The following NKAIN2 variants were observed in gnomAD, a reference collection of about 807,000 sequenced individuals.
NKAIN2 encodes sodium/potassium-transporting ATPase subunit beta-1-interacting protein 2.
A neutral mutation model predicts 32.6 loss-of-function variants in NKAIN2; 14 were observed. That is an observed-to-expected ratio of 0.43 (90% CI 0.28 to 0.67). NKAIN2 has a LOEUF of 0.67. Ranked by LOEUF, NKAIN2 falls within the 30% of genes least tolerant of loss-of-function variation. The probability of loss-of-function intolerance (pLI) is 0.17; values close to 1 mark genes in which losing one functional copy is unlikely to be tolerated. For missense variants in NKAIN2, 198 were observed against 258.3 expected, an observed-to-expected ratio of 0.77 and a Z score of 1.60; for synonymous variants, 80 against 87.2, an observed-to-expected ratio of 0.92 and a Z score of 0.46.
At chr6:123,824,776 A>G (rs1483665110) in intron 1 of NKAIN2, among the ~76,000 whole-genome samples, 1 of 152,036 alleles carries the variant, frequency 6.6e-6, no homozygotes, top group African/African-American at 2.4e-5. Context: ...CCCATTATCC[A>G]GTCAGCAAGG....
chr6:124,740,013 TG>T (rs1777127479), intron 4 of NKAIN2, among the ~76,000 whole-genome samples: 2 of 151,836 alleles, frequency 1.3e-5, no homozygotes, highest in Non-Finnish European at 2.9e-5. Context: ...CAAAGGGGCC[TG>T]GAGAGACACT....
intron 1 of NKAIN2, among the ~76,000 whole-genome samples, chr6:124,212,666 CA>C (rs1791250309): frequency 6.6e-6 from 1 of 152,082 alleles, no homozygotes; most frequent in African/African-American, 2.4e-5. Context: ...CAAATTTCCA[CA>C]TTTTTGAAAG....
In NKAIN2 at chr6:124,823,419, T is replaced by G; in HGVS notation, c.*190T>G. 1.8e-6 allele frequency: 1 copy of G among 547,418 alleles called. No homozygotes were observed. 33.9% of individuals were successfully genotyped at this position (547,418 alleles called of 1,614,324 possible). On this transcript the variant is annotated 3_prime_UTR_variant, in exon 7 of 7. Coordinates refer to ENST00000368417, the MANE Select transcript of NKAIN2 (RefSeq NM_001040214.3). ...ACACACGTGAGCACGCACACACCAATTCCACTTGACCTCCTCTTTCTAACT... is the reference window on the plus strand; with the variant it reads ...ACACACGTGAGCACGCACACACCAAGTCCACTTGACCTCCTCTTTCTAACT...
intron 1 of NKAIN2, among the ~76,000 whole-genome samples, chr6:123,984,538 A>AC (rs1779046390): frequency 6.6e-6 from 1 of 152,086 alleles, no homozygotes; most frequent in Non-Finnish European, 1.5e-5. Context: ...AAGATATAGA[A>AC]CCTACCTTCT....
At chr6:124,073,826 G>A (rs927812927) in intron 1 of NKAIN2, among the ~76,000 whole-genome samples, 1 of 152,120 alleles carries the variant, frequency 6.6e-6, no homozygotes, top group Non-Finnish European at 1.5e-5. Context: ...CCGGGCAGGG[G>A]AGGATTCAGA....
chr6:124,398,531 T>A (rs1773493466), intron 3 of NKAIN2, among the ~76,000 whole-genome samples: 1 of 152,108 alleles, frequency 6.6e-6, no homozygotes, highest in African/African-American at 2.4e-5. Context: ...TGCAAGCTCA[T>A]ACTCACATCT....
intron 4 of NKAIN2, among the ~76,000 whole-genome samples, chr6:124,760,475 A>G (rs1198011094): frequency 6.6e-6 from 1 of 151,818 alleles, no homozygotes; most frequent in Non-Finnish European, 1.5e-5. Flanking sequence ...CTACTAAAAA[A>G]AAATAAAAAT....
chr6:124,298,416 G>T (rs567793776), intron 2 of NKAIN2, among the ~76,000 whole-genome samples: 1 of 151,932 alleles, frequency 6.6e-6, no homozygotes, highest in Non-Finnish European at 1.5e-5. Context: ...GTCATGATTC[G>T]AATTACTAGG....
At chr6:124,442,535 G>A (rs78903255) in intron 3 of NKAIN2, among the ~76,000 whole-genome samples, 5 of 152,048 alleles carry the variant, frequency 3.3e-5, no homozygotes, top group East Asian at 3.9e-4. Context: ...CTAAGACACC[G>A]GCTCCTGCAT....
At chr6:124,382,696 A>G (rs1772700377) in intron 3 of NKAIN2, among the ~76,000 whole-genome samples, 1 of 152,218 alleles carries the variant, frequency 6.6e-6, no homozygotes, top group Non-Finnish European at 1.5e-5. Context: ...TAAAGGGAAC[A>G]AAACATGCTA....
At chr6:124,008,488 C>A (rs1014127196) in intron 1 of NKAIN2, among the ~76,000 whole-genome samples, 2 of 53,408 alleles carry the variant, frequency 3.7e-5, no homozygotes, top group African/African-American at 2.0e-4. Context: ...CTCAGTCTTA[C>A]CCAGAGCACC....
intron 2 of NKAIN2, among the ~76,000 whole-genome samples, chr6:124,354,657 C>T (rs1583108980): frequency 6.6e-6 from 1 of 152,094 alleles, no homozygotes; most frequent in Non-Finnish European, 1.5e-5. Context: ...GCTAAGGAAA[C>T]TGTGAGTCTT....
At chr6:124,267,999 G>A (rs928388159) in intron 1 of NKAIN2, among the ~76,000 whole-genome samples, 3 of 152,048 alleles carry the variant, frequency 2.0e-5, no homozygotes, top group Non-Finnish European at 4.4e-5. Context: ...CCTTTATGTA[G>A]TCTTTTTAAT....
chr6:124,122,152 A>G (rs996808148), intron 1 of NKAIN2, among the ~76,000 whole-genome samples: 11 of 152,098 alleles, frequency 7.2e-5, no homozygotes, highest in African/African-American at 2.7e-4. Flanking sequence ...TTGGTACAAA[A>G]TAGATTACTT....
At chr6:124,221,643 A>C (rs1791833515) in intron 1 of NKAIN2, among the ~76,000 whole-genome samples, 1 of 152,192 alleles carries the variant, frequency 6.6e-6, no homozygotes, top group Admixed American at 6.6e-5. Flanking sequence ...AAAGCAGACT[A>C]GAATAAAGGG....
chr6:124,346,410 A>T (rs1006954130), intron 2 of NKAIN2, among the ~76,000 whole-genome samples: 3 of 152,130 alleles, frequency 2.0e-5, no homozygotes, highest in Non-Finnish European at 4.4e-5. Context: ...CGTCTCATTG[A>T]TCTGTCTAAT....
intron 1 of NKAIN2, among the ~76,000 whole-genome samples, chr6:124,237,716 G>A (rs1792851302): frequency 6.6e-6 from 1 of 152,150 alleles, no homozygotes; most frequent in African/African-American, 2.4e-5. Flanking sequence ...TACTAGGAAA[G>A]TGTAGTAAAA....
chr6:124,147,905 G>A (rs1482000179), intron 1 of NKAIN2, among the ~76,000 whole-genome samples: 1 of 152,096 alleles, frequency 6.6e-6, no homozygotes, highest in Non-Finnish European at 1.5e-5. Context: ...TGGATATTTA[G>A]AGTATAAAAA....
intron 3 of NKAIN2, among the ~76,000 whole-genome samples, chr6:124,554,110 A>C (rs1780388272): frequency 6.6e-6 from 1 of 152,238 alleles, no homozygotes; most frequent in Admixed American, 6.5e-5. Flanking sequence ...AATTCATGCA[A>C]AACTAAGATT....
Sources: allele counts gnomAD v4.1 joint callset (sites outside exome capture counted in the v4.1 genomes callset), GRCh38; gene constraint gnomAD v4.1.1; transcripts MANE v1.5; gene names NCBI Gene and HGNC (gene_info 2026-07-23, HGNC 2026-07-21).